NTNG2: variants seen among roughly 807,000 people sequenced by gnomAD.
NTNG2 encodes the protein netrin-G2.
Under a neutral mutation model 47.6 loss-of-function variants are expected in NTNG2, and 15 were observed. The observed-to-expected ratio is 0.32, with a 90% CI of 0.21 to 0.49. NTNG2 has a LOEUF of 0.49. NTNG2 is among the 20% of genes least tolerant of loss of function. NTNG2 has a pLI of 0.99. For synonymous variants in NTNG2, 307 were observed against 324.6 expected (o/e 0.95, Z 0.58); for missense variants, 578 against 764.6 (o/e 0.76, Z 2.88).
chr9:132,231,303 AC>A lies in NTNG2; in HGVS notation c.1054+712del. 1 of 454,570 alleles carries A rather than the reference AC, an allele frequency of 2.2e-6. No individual in the cohort carries two copies. The highest frequency in any genetic ancestry group is 2.0e-5 in the African/African-American group (1 of 49,804). The allele number at this position is 454,570 out of a possible 1,614,324, so 28.2% of individuals were successfully genotyped here. On this transcript the variant is annotated intron_variant, in intron 5 of 7. Coordinates refer to ENST00000393229, the MANE Select transcript of NTNG2 (RefSeq NM_032536.4). The surrounding 1 kb of genome is among the most constrained non-coding windows in gnomAD (Gnocchi z 4.1). ...ACGGTCTCTCCTTTCAGCCTTGCAA[AC>A]CCCTCCCCCTGGGAGGTCGCCATCT...
In NTNG2 at chr9:132,226,967, C is replaced by T. The variant is rs761956522; in HGVS notation, c.976C>T (p.Arg326Trp). 9.3e-6 allele frequency: 15 copies of T among 1,611,634 alleles called. No individual in the cohort carries two copies. Among genetic ancestry groups the T allele is most frequent in the East Asian group, 2.2e-5 (1 of 44,830 alleles). Residue 326 changes from arginine (R) to tryptophan (W), a missense_variant, in exon 4 of 8, where the codon CGG (arginine) becomes TGG (tryptophan). Coordinates refer to ENST00000393229, the MANE Select transcript of NTNG2 (RefSeq NM_032536.4). The surrounding 1 kb of genome is among the most constrained non-coding windows in gnomAD (Gnocchi z 4.8). ...CGKCKKNFRT[R>W]SWRAGSYLPL... ...CAAGTGCAAGAAGAATTTCCGCACC[C>T]GGTCCTGGCGGGCCGGCTCCTACCT...
At chr9:132,161,817 G>A (rs1298397602), upstream of NTNG2, 2 of 149,408 alleles carry the variant, frequency 1.3e-5, no homozygotes, top group Non-Finnish European at 3.0e-5. This position sits in a 1 kb window ranked among gnomAD's most constrained non-coding sequence, Gnocchi z 7.2. Context: ...CGCGCCGGGG[G>A]GATGCCCCGG....
In NTNG2 at chr9:132,198,253, C is replaced by T. The variant is rs375675763; in HGVS notation, c.501C>T (p.Tyr167=). ...GCACCTGGCAGCCCTACCAGTTCTA[C>T]GCCGAGGACTGCATGGAGGCCTTCG... ...NGRTWQPYQF[Y]AEDCMEAFGM... Residue 167 remains tyrosine (Y), a synonymous_variant, in exon 3 of 8, where the codon TAC becomes TAT. Transcript: ENST00000393229. The T allele has an allele frequency of 2.2e-5, 36 of 1,612,918 alleles. No individual in the cohort carries two copies. Among genetic ancestry groups the T allele is most frequent in the African/African-American group, 6.7e-5 (5 of 74,944 alleles).
chr9:132,193,865 G>A (rs908901796), intron 2 of NTNG2, among the ~76,000 whole-genome samples: 1 of 152,124 alleles, frequency 6.6e-6, no homozygotes, highest in Admixed American at 6.5e-5. Flanking sequence ...TTTGGTTTCT[G>A]GAGAGGCCTC....
At chr9:132,177,646 G>GTTTT (rs1317669579) in intron 2 of NTNG2, among the ~76,000 whole-genome samples, 4 of 152,070 alleles carry the variant, frequency 2.6e-5, no homozygotes, top group Non-Finnish European at 4.4e-5. Context: ...AAATCTCTGG[G>GTTTT]TTTTTTTGTT....
At chr9:132,161,813 G>A (rs967106463), upstream of NTNG2, 19 of 149,834 alleles carry the variant, frequency 1.3e-4, no homozygotes, top group Middle Eastern at 3.4e-3. The surrounding 1 kb of genome is among the most constrained non-coding windows in gnomAD (Gnocchi z 7.2). Context: ...GCGCCGCGCC[G>A]GGGGGATGCC....
chr9:132,228,498 C>G (rs1840958767), intron 4 of NTNG2, among the ~76,000 whole-genome samples: 1 of 152,156 alleles, frequency 6.6e-6, no homozygotes, highest in African/African-American at 2.4e-5. Flanking sequence ...TTTCGTCTGT[C>G]CTGAGGGCCG....
chr9:132,198,216 T>C lies in NTNG2; in HGVS notation c.464T>C (p.Leu155Pro). ...ACGGTCATGGTCCTGGAGAAGTCCCTGGACAACGGGCGCACCTGGCAGCCC... is the reference window on the plus strand; with the variant it reads ...ACGGTCATGGTCCTGGAGAAGTCCCCGGACAACGGGCGCACCTGGCAGCCC... Reference protein sequence around the residue: ...RPTVMVLEKSLDNGRTWQPYQ... With the variant: ...RPTVMVLEKSPDNGRTWQPYQ... The change falls in exon 3 of 8, where the codon CTG becomes CCG. Residue 155 changes from leucine to proline, a missense_variant. Leu to Pro is a moderately conservative substitution (Grantham distance 98). Transcript: ENST00000393229. The C allele has an allele frequency of 1.2e-6, 2 of 1,613,342 alleles. No individual in the cohort carries two copies. Among genetic ancestry groups the C allele is most frequent in the Non-Finnish European group, 1.7e-6 (2 of 1,180,038 alleles).
rs116290851 is a variant in NTNG2 at position 132,192,813 on chromosome 9, C to T, written c.214-5153C>T. Among the ~76,000 whole-genome samples, 1,099 of 152,290 alleles carry T rather than the reference C, an allele frequency of 7.2e-3. 18 individuals are homozygous for T. Among genetic ancestry groups the T allele is most frequent in the African/African-American group, 0.025 (1,059 of 41,550 alleles). On this transcript the variant is annotated intron_variant, in intron 2 of 7. Transcript: ENST00000393229. ...AGAGGGAGAGAGAAAATTGTGTTGGCCGCGGCTCGGGATTTATTTATTGTA... is the reference window on the plus strand; with the variant it reads ...AGAGGGAGAGAGAAAATTGTGTTGGTCGCGGCTCGGGATTTATTTATTGTA...
In NTNG2 at chr9:132,231,208, C is replaced by A; in HGVS notation, c.1054+613C>A. The A allele has an allele frequency of 2.4e-6, 1 of 421,248 alleles. No individual in the cohort carries two copies. Among genetic ancestry groups the A allele is most frequent in the Non-Finnish European group, 4.8e-6 (1 of 209,258 alleles). 26.1% of individuals were successfully genotyped at this position (421,248 alleles called of 1,614,324 possible). On this transcript the variant is annotated intron_variant, in intron 5 of 7. Transcript: ENST00000393229. This position sits in a 1 kb window ranked among gnomAD's most constrained non-coding sequence, Gnocchi z 4.1. ...TGAGAGTTCCCCAGGAGGGCGAGGG[C>A]GACATGGCGCCCACAGGTTATCAGT...
Position 132,243,685 on chromosome 9 carries a change from GT to G in NTNG2, c.*1577del, listed in dbSNP as rs1291954135. On this transcript the variant is annotated 3_prime_UTR_variant, in exon 8 of 8. Coordinates refer to ENST00000393229, the MANE Select transcript of NTNG2 (RefSeq NM_032536.4). ...ACACCTGTTCTTTCCCAGCTGCGAG[GT>G]TTAGACCTGGGTCCTTCCCTTGAGT... The G allele has an allele frequency of 6.6e-6, 1 of 152,332 alleles. No individual in the cohort carries two copies. Among genetic ancestry groups the G allele is most frequent in the African/African-American group, 2.4e-5 (1 of 41,460 alleles). The allele number at this position is 152,332 out of a possible 1,614,324, so 9.4% of individuals were successfully genotyped here.
Position 132,242,018 on chromosome 9 carries a change from G to A in NTNG2, c.1500G>A (p.Leu500=). 2 of 1,366,322 alleles carry A rather than the reference G, an allele frequency of 1.5e-6. No homozygotes were observed. Among genetic ancestry groups the A allele is most frequent in the Non-Finnish European group, 1.9e-6 (2 of 1,063,396 alleles). 84.6% of individuals were successfully genotyped at this position (1,366,322 alleles called of 1,614,324 possible). A position where few individuals can be genotyped will look rare whatever the true frequency, so the allele number is the denominator to read the frequency against. Residue 500 remains leucine (L), a synonymous_variant, in exon 8 of 8, where the codon CTG becomes CTA. Transcript: ENST00000393229. This position sits in a 1 kb window ranked among gnomAD's most constrained non-coding sequence, Gnocchi z 5.9. ...ACCCCGCCGACGATGACGGCGGTCT[G>A]GACTGCGACCGCGCGCCCGGGGCCG... The part of the protein sequence containing the change: ...RCDPADDDGG[L]DCDRAPGAAP...
At chr9:132,240,114 C>T (rs566213399) in intron 6 of NTNG2, among the ~76,000 whole-genome samples, 2 of 152,392 alleles carry the variant, frequency 1.3e-5, no homozygotes, top group African/African-American at 4.8e-5. Context: ...AGCCAGGCCC[C>T]TTGGGACACC....
rs373626940 is a variant in NTNG2, at chr9:132,215,079, G to GC, written c.858-11770_858-11769insC. ...TTTTTTAATTTTTTTGTAGAGATTG[G>GC]GGGGGGGGGTCTCACTTTCTTGCCC... is the stretch of plus-strand genomic sequence containing the variant. On this transcript the variant is annotated intron_variant, in intron 3 of 7. Transcript: ENST00000393229. This position sits in a 1 kb window ranked among gnomAD's most constrained non-coding sequence, Gnocchi z 4.2. Among the ~76,000 whole-genome samples, 2 of 27,764 alleles carry GC rather than the reference G, an allele frequency of 7.2e-5. No homozygotes were observed. Among genetic ancestry groups the GC allele is most frequent in the African/African-American group, 5.5e-4 (2 of 3,668 alleles). 18.2% of individuals were successfully genotyped at this position (27,764 alleles called of 152,430 possible).
chr9:132,226,933 C>T lies in NTNG2; in HGVS notation c.942C>T (p.Pro314=), dbSNP rs145479097. 22 of 1,612,848 alleles carry T rather than the reference C, an allele frequency of 1.4e-5. No individual in the cohort carries two copies. Among genetic ancestry groups the T allele is most frequent in the East Asian group, 2.2e-5 (1 of 44,864 alleles). The change falls in exon 4 of 8, where the codon CCC becomes CCT. Residue 314 remains proline (P), a synonymous_variant. Coordinates refer to ENST00000393229, the MANE Select transcript of NTNG2 (RefSeq NM_032536.4). This position sits in a 1 kb window ranked among gnomAD's most constrained non-coding sequence, Gnocchi z 4.8. ...QCECEHNTTG[P]DCGKCKKNFR... Reference sequence around the variant, plus strand: ...AGTGCGAGCACAACACCACCGGCCCCGACTGCGGCAAGTGCAAGAAGAATT... The same window carrying T: ...AGTGCGAGCACAACACCACCGGCCCTGACTGCGGCAAGTGCAAGAAGAATT...
intron 5 of NTNG2, among the ~76,000 whole-genome samples, chr9:132,235,730 G>A (rs1427978709): frequency 6.6e-6 from 1 of 152,230 alleles, no homozygotes; most frequent in Admixed American, 6.5e-5. Context: ...GTATGGGGGG[G>A]CAAGGCCTGT....
At chr9:132,241,673 G>A (rs1240577995) in intron 7 of NTNG2, among the ~76,000 whole-genome samples, 1 of 152,162 alleles carries the variant, frequency 6.6e-6, no homozygotes, top group Admixed American at 6.5e-5. Flanking sequence ...AGGGGCAGCG[G>A]TGGGAGGCAG....
chr9:132,195,619 G>A (rs1413324600), intron 2 of NTNG2, among the ~76,000 whole-genome samples: 3 of 151,166 alleles, frequency 2.0e-5, no homozygotes, highest in Non-Finnish European at 2.9e-5. Flanking sequence ...GAGCCACCGC[G>A]CCTGGCCTTT....
At chr9:132,209,583 CA>C in intron 3 of NTNG2, among the ~76,000 whole-genome samples, 1 of 152,232 alleles carries the variant, frequency 6.6e-6, no homozygotes, top group Non-Finnish European at 1.5e-5. Flanking sequence ...GCGGCGGGTC[CA>C]AGTGGAGGAG....
Sources: gnomAD v4.1 joint callset for allele counts (sites outside exome capture counted in the v4.1 genomes callset) on GRCh38, gnomAD v4.1.1 for gene constraint, Gnocchi (gnomAD v3.1) non-coding constraint, MANE v1.5 for transcripts, NCBI Gene and HGNC (gene_info 2026-07-23, HGNC 2026-07-21) for gene names.